The following R3HCC1L variants were observed in gnomAD, a reference collection of about 807,000 sequenced individuals.
The protein encoded by R3HCC1L is R3H domain and coiled-coil containing 1 like, also known as coiled-coil domain-containing protein R3HCC1L.
In R3HCC1L, 51 loss-of-function variants were observed where a neutral mutation model predicts 59.9. That is an observed-to-expected ratio of 0.85 (90% confidence interval 0.68 to 1.07). R3HCC1L has a LOEUF of 1.07. R3HCC1L is among the 50% of genes least tolerant of loss of function. R3HCC1L has a pLI of 0.00. For synonymous variants in R3HCC1L, 322 were observed against 315.2 expected (o/e 1.02, Z -0.23); for missense variants, 965 against 933.0 (o/e 1.03, Z -0.45).
chr10:98,179,483 T>G (rs567307258), intron 4 of R3HCC1L, among the ~76,000 whole-genome samples: 3 of 152,338 alleles, frequency 2.0e-5, no homozygotes, highest in Non-Finnish European at 4.4e-5. Flanking sequence ...TACTTAGGAT[T>G]TTCGAATCAG....
Position 98,208,124 on chromosome 10 carries a change from G to C in R3HCC1L, c.10G>C (p.Glu4Gln), listed in dbSNP as rs1483929831. 8 of 1,609,644 alleles carry C rather than the reference G, an allele frequency of 5.0e-6. No individual in the cohort carries two copies. The South Asian group carries it at 7.8e-5, about 16-fold the overall frequency. MQQ[E>Q]SERCRVRARR... Reference sequence around the variant, plus strand: ...AGATTGTGGTGGTGCCATGCAGCAAGAATCAGAGAGATGCAGAGTTAGAGC... The same window carrying C: ...AGATTGTGGTGGTGCCATGCAGCAACAATCAGAGAGATGCAGAGTTAGAGC... The change falls in exon 5 of 10, where the codon GAA becomes CAA. Residue 4 changes from glutamate (E) to glutamine (Q), a missense_variant. Physicochemically the swap from Glu to Gln is conservative, Grantham distance 29. Transcript: ENST00000298999.
At chr10:98,222,175 CTGTT>C (rs1180352499) in intron 5 of R3HCC1L, among the ~76,000 whole-genome samples, 5 of 152,100 alleles carry the variant, frequency 3.3e-5, no homozygotes, top group Non-Finnish European at 7.3e-5. Flanking sequence ...ATTTGGCTGT[CTGTT>C]TGTCTGTTAC....
At chr10:98,164,172 G>A (rs1847717502) in intron 4 of R3HCC1L, among the ~76,000 whole-genome samples, 1 of 152,176 alleles carries the variant, frequency 6.6e-6, no homozygotes, top group South Asian at 2.1e-4. Flanking sequence ...GACGCACATT[G>A]CAAAAATTGG....
At chr10:98,152,996 GGCCCGCCTCC>G (rs1345704760) in intron 1 of R3HCC1L, among the ~76,000 whole-genome samples, 2 of 150,086 alleles carry the variant, frequency 1.3e-5, no homozygotes, top group Non-Finnish European at 3.0e-5. Flanking sequence ...GGGAGGTGGG[GGCCCGCCTCC>G]GCCCGGCCGC....
rs554603174 is a variant in R3HCC1L at position 98,221,527 on chromosome 10, C to G, written c.1786-9985C>G. On this transcript the variant is annotated intron_variant, in intron 5 of 9. Transcript: ENST00000298999. Reference sequence around the variant, plus strand: ...TATGTTTTAGGTCTAACGTTTAAGTCTTTAATCCATCTTGAATTGATTTTT... The same window carrying G: ...TATGTTTTAGGTCTAACGTTTAAGTGTTTAATCCATCTTGAATTGATTTTT... 3.3e-5 allele frequency among the ~76,000 whole-genome samples: 5 copies of G among 151,816 alleles called. No individual in the cohort carries two copies. The South Asian group carries it at 1.1e-3, about 32-fold the overall frequency.
chr10:98,169,780 T>A (rs368511662), intron 4 of R3HCC1L, among the ~76,000 whole-genome samples: 1 of 152,192 alleles, frequency 6.6e-6, no homozygotes, highest in African/African-American at 2.4e-5. Context: ...TATTCTAAAA[T>A]GTATTTGCTT....
intron 1 of R3HCC1L, among the ~76,000 whole-genome samples, chr10:98,140,879 TATTA>T (rs1361425677): frequency 3.3e-5 from 5 of 152,320 alleles, no homozygotes; most frequent in Middle Eastern, 3.4e-3. Context: ...TTAAGATTAA[TATTA>T]ATTTTTTCCT....
intron 1 of R3HCC1L, among the ~76,000 whole-genome samples, chr10:98,153,170 A>G (rs908661665): frequency 6.6e-6 from 1 of 152,222 alleles, no homozygotes; most frequent in Non-Finnish European, 1.5e-5. Context: ...TGGAATAGAA[A>G]AGGGGGAAAG....
rs78369108 is a variant in R3HCC1L at position 98,227,161 on chromosome 10, T to G, written c.1786-4351T>G. On this transcript the variant is annotated intron_variant, in intron 5 of 9. Coordinates refer to ENST00000298999, the MANE Select transcript of R3HCC1L (RefSeq NM_001351015.2). ...GTGGGTTTACTTTACTGAATACTTATGTGCCAAGCAGTATGCTAAGCACTT... is the reference window on the plus strand; with the variant it reads ...GTGGGTTTACTTTACTGAATACTTAGGTGCCAAGCAGTATGCTAAGCACTT... Among the ~76,000 whole-genome samples, 3 of 152,354 alleles carry G rather than the reference T, an allele frequency of 2.0e-5. No homozygotes were observed. The East Asian group carries it at 5.8e-4, about 29-fold the overall frequency.
At chr10:98,185,439 A>G (rs1850127599) in intron 4 of R3HCC1L, among the ~76,000 whole-genome samples, 1 of 152,244 alleles carries the variant, frequency 6.6e-6, no homozygotes. Flanking sequence ...CTTATCTAGA[A>G]TGATTAGGTA....
intron 5 of R3HCC1L, among the ~76,000 whole-genome samples, chr10:98,224,957 A>G (rs1300373761): frequency 6.6e-6 from 1 of 152,248 alleles, no homozygotes. Flanking sequence ...TCTAGTAGCC[A>G]TATTAGAAAA....
chr10:98,138,644 C>T (rs762627677), intron 1 of R3HCC1L, among the ~76,000 whole-genome samples: 1 of 152,264 alleles, frequency 6.6e-6, no homozygotes, highest in African/African-American at 2.4e-5. Flanking sequence ...AGTGGATGCT[C>T]AGTAATGAGT....
At chr10:98,195,113 C>T (rs1487682864) in intron 4 of R3HCC1L, among the ~76,000 whole-genome samples, 1 of 152,098 alleles carries the variant, frequency 6.6e-6, no homozygotes, top group Non-Finnish European at 1.5e-5. Flanking sequence ...TGGCATGTAC[C>T]TACAACAGAA....
At chr10:98,201,133 T>C (rs1852000954) in intron 4 of R3HCC1L, among the ~76,000 whole-genome samples, 1 of 152,208 alleles carries the variant, frequency 6.6e-6, no homozygotes, top group African/African-American at 2.4e-5. Context: ...GTGCCACGTT[T>C]ATTATAAAAT....
intron 1 of R3HCC1L, among the ~76,000 whole-genome samples, chr10:98,138,554 T>G (rs1455874273): frequency 1.3e-5 from 2 of 152,206 alleles, no homozygotes; most frequent in Non-Finnish European, 2.9e-5. Flanking sequence ...ATTAAACACT[T>G]TTGTTCCTTG....
chr10:98,139,877 G>T (rs1164106373), intron 1 of R3HCC1L, among the ~76,000 whole-genome samples: 1 of 150,416 alleles, frequency 6.6e-6, no homozygotes, highest in Non-Finnish European at 1.5e-5. Flanking sequence ...GATATAGCTG[G>T]ATTGGGACTA....
intron 1 of R3HCC1L, among the ~76,000 whole-genome samples, chr10:98,146,489 G>A (rs944066026): frequency 6.6e-6 from 1 of 151,672 alleles, no homozygotes; most frequent in Non-Finnish European, 1.5e-5. Flanking sequence ...CTTGGCTTCT[G>A]GTACCCACCA....
chr10:98,201,709 A>G (rs190682971), intron 4 of R3HCC1L, among the ~76,000 whole-genome samples: 176 of 152,292 alleles, frequency 1.2e-3, no homozygotes, highest in Admixed American at 2.3e-3. Flanking sequence ...ATGTTATGCT[A>G]TGTCTGGTAA....
intron 4 of R3HCC1L, among the ~76,000 whole-genome samples, chr10:98,204,614 C>G (rs904798285): frequency 3.9e-5 from 6 of 152,148 alleles, no homozygotes; most frequent in Non-Finnish European, 7.4e-5. Context: ...GTGTTCTCCT[C>G]TTTTCCACGG....
Sources: allele counts gnomAD v4.1 joint callset (sites outside exome capture counted in the v4.1 genomes callset), GRCh38; gene constraint gnomAD v4.1.1; transcripts MANE v1.5; gene names NCBI Gene and HGNC (gene_info 2026-07-23, HGNC 2026-07-21).